Variants in RASGEF1A observed in about 807,000 individuals in gnomAD.
The protein encoded by RASGEF1A is ras-GEF domain-containing family member 1A.
Under a neutral mutation model 56.4 loss-of-function variants are expected in RASGEF1A, and 18 were observed. The ratio of observed to expected loss-of-function variants is 0.32; its 90% CI spans 0.22 to 0.47. The LOEUF (loss-of-function observed/expected upper bound fraction) is 0.47. RASGEF1A is among the 20% of genes least tolerant of loss of function. The pLI is 1.00. For synonymous variants in RASGEF1A, 245 were observed against 242.6 expected, an observed-to-expected ratio of 1.01 and a Z score of -0.09; for missense variants, 422 against 627.1, an observed-to-expected ratio of 0.67 and a Z score of 3.49.
chr10:43,247,719 T>A (rs549163222), intron 1 of RASGEF1A, among the ~76,000 whole-genome samples: 2 of 152,218 alleles, frequency 1.3e-5, no homozygotes, highest in Admixed American at 1.3e-4. Context: ...AATAGATTAG[T>A]GGTTACCAGA....
chr10:43,202,693 C>G (rs1407170828), intron 3 of RASGEF1A: 1 of 467,606 alleles, frequency 2.1e-6, no homozygotes, highest in Middle Eastern at 3.7e-4. Flanking sequence ...TCTTCGCCCA[C>G]GCCGCACAGC....
chr10:43,253,823 G>T (rs889957632), intron 1 of RASGEF1A, among the ~76,000 whole-genome samples: 3 of 152,250 alleles, frequency 2.0e-5, no homozygotes, highest in African/African-American at 4.8e-5. Flanking sequence ...TACTGGCCGA[G>T]ATAAGAAGCA....
At chr10:43,215,532 G>A (rs1840124713) in intron 1 of RASGEF1A, among the ~76,000 whole-genome samples, 1 of 152,212 alleles carries the variant, frequency 6.6e-6, no homozygotes, top group Admixed American at 6.5e-5. Context: ...TGCTGGGCTG[G>A]ATGCATGCCA....
intron 1 of RASGEF1A, among the ~76,000 whole-genome samples, chr10:43,241,503 T>C (rs897325459): frequency 4.6e-5 from 7 of 152,186 alleles, no homozygotes; most frequent in Non-Finnish European, 7.3e-5. Context: ...CATAGTTATT[T>C]GTTAAGATAT....
Position 43,205,957 on chromosome 10 carries a change from T to C in RASGEF1A, c.160A>G (p.Met54Val). 1 of 1,613,338 alleles carries C rather than the reference T, an allele frequency of 6.2e-7. No individual in the cohort carries two copies. Among genetic ancestry groups the C allele is most frequent in the South Asian group, 1.1e-5 (1 of 91,082 alleles). ...TCCACCGTGGGAACAAGGTGCTCCA[T>C]CAGGGCCTCCAGGGACCCAGAGATG... Reference protein sequence around the residue: ...HLISGSLEALMEHLVPTVDYY... With the variant: ...HLISGSLEALVEHLVPTVDYY... Residue 54 changes from methionine to valine, a missense_variant, in exon 2 of 13, where the codon ATG (methionine) becomes GTG (valine). Met to Val is a conservative substitution (Grantham distance 21). Around this residue, in one of 2 missense-constraint regions of RASGEF1A, gnomAD observed 273 missense variants for 339.9 expected, o/e 0.80. Coordinates refer to ENST00000395810, the MANE Select transcript of RASGEF1A (RefSeq NM_145313.4).
At chr10:43,204,701 G>A (rs1839967593) in intron 2 of RASGEF1A, among the ~76,000 whole-genome samples, 1 of 152,358 alleles carries the variant, frequency 6.6e-6, no homozygotes, top group African/African-American at 2.4e-5. Context: ...GCTCGGCAGA[G>A]GAGCCAATGC....
chr10:43,198,895 G>A (rs781326963), intron 9 of RASGEF1A, 38 bp downstream of exon 9: 4 of 1,581,840 alleles, frequency 2.5e-6, no homozygotes, highest in South Asian at 2.2e-5. Context: ...GGACGAAATG[G>A]GTGCAGCTCG....
At chr10:43,257,495 T>A (rs1480587986) in intron 1 of RASGEF1A, among the ~76,000 whole-genome samples, 1 of 152,174 alleles carries the variant, frequency 6.6e-6, no homozygotes, top group African/African-American at 2.4e-5. Context: ...GGGCCTCTCC[T>A]CCACACCTCA....
In RASGEF1A at chr10:43,258,874, G is replaced by A. The variant is rs116683797; in HGVS notation, c.-7+7971C>T. 6.3e-3 allele frequency among the ~76,000 whole-genome samples: 964 copies of A among 152,332 alleles called. 10 individuals carry two copies. Among genetic ancestry groups the A allele is most frequent in the African/African-American group, 0.022 (900 of 41,582 alleles). ...CATGGGCCTCCTGACCACCAGGCCCGGGAAGGACAGCTGGGGGCCAGAGTG... is the reference window on the plus strand; with the variant it reads ...CATGGGCCTCCTGACCACCAGGCCCAGGAAGGACAGCTGGGGGCCAGAGTG... On this transcript the variant is annotated intron_variant, in intron 1 of 12. Coordinates refer to ENST00000395810, the MANE Select transcript of RASGEF1A (RefSeq NM_145313.4).
At chr10:43,224,637 G>C (rs939229126) in intron 1 of RASGEF1A, among the ~76,000 whole-genome samples, 3 of 152,172 alleles carry the variant, frequency 2.0e-5, no homozygotes, top group Admixed American at 1.3e-4. Context: ...TTGGAAATAT[G>C]GGCCAGTTTC....
intron 1 of RASGEF1A, among the ~76,000 whole-genome samples, chr10:43,260,029 T>C (rs1249787459): frequency 6.6e-6 from 1 of 152,186 alleles, no homozygotes; most frequent in East Asian, 1.9e-4. Context: ...CCTCTGCCTC[T>C]GCCCCTCTCT....
intron 1 of RASGEF1A, among the ~76,000 whole-genome samples, chr10:43,219,947 G>C (rs1317224073): frequency 6.6e-6 from 1 of 152,192 alleles, no homozygotes; most frequent in Non-Finnish European, 1.5e-5. Context: ...GCCAGTCATG[G>C]GGGTAGGGGA....
At chr10:43,222,088 C>T (rs1263129881) in intron 1 of RASGEF1A, among the ~76,000 whole-genome samples, 2 of 152,214 alleles carry the variant, frequency 1.3e-5, no homozygotes, top group Admixed American at 6.5e-5. Flanking sequence ...CTCCGTGGTA[C>T]AGCCTATTGC....
intron 1 of RASGEF1A, among the ~76,000 whole-genome samples, chr10:43,248,688 T>C (rs1476105029): frequency 1.3e-5 from 2 of 152,216 alleles, no homozygotes; most frequent in Non-Finnish European, 2.9e-5. Context: ...GGTTTCCCCT[T>C]TATTCAACTA....
At chr10:43,199,223 G>A (rs1384597384) in intron 7 of RASGEF1A, 29 bp from the exon 8 acceptor site, 1 of 1,548,654 alleles carries the variant, frequency 6.5e-7, no homozygotes, top group Non-Finnish European at 8.8e-7. Flanking sequence ...CCTCAGCATG[G>A]CGCTGCCGGG....
chr10:43,213,528 CTA>C, intron 1 of RASGEF1A, among the ~76,000 whole-genome samples: 1 of 152,290 alleles, frequency 6.6e-6, no homozygotes, highest in Non-Finnish European at 1.5e-5. Context: ...AGCCCCAGTG[CTA>C]TGAGAGATCC....
chr10:43,203,914 C>T (rs1229554247), intron 2 of RASGEF1A: 7 of 363,168 alleles, frequency 1.9e-5, no homozygotes, highest in African/African-American at 4.9e-5. Flanking sequence ...TCAGCAGGGG[C>T]GGGGCCCCAT....
chr10:43,199,332 C>A, intron 7 of RASGEF1A, 138 bp from the exon 8 acceptor site: 1 of 705,290 alleles, frequency 1.4e-6, no homozygotes, highest in Non-Finnish European at 2.5e-6. Flanking sequence ...AGGTCCATGG[C>A]TGCGTCTGGG....
chr10:43,246,126 T>C (rs151268066), intron 1 of RASGEF1A, among the ~76,000 whole-genome samples: 3 of 152,226 alleles, frequency 2.0e-5, no homozygotes, highest in East Asian at 1.9e-4. Flanking sequence ...ATGGTAGTAA[T>C]GAACAATCTG....
Sources: gnomAD v4.1 joint callset for allele counts (sites outside exome capture counted in the v4.1 genomes callset) on GRCh38, gnomAD v4.1.1 for gene constraint, gnomAD v4.1.1 regional missense constraint, MANE v1.5 for transcripts, NCBI Gene and HGNC (gene_info 2026-07-23, HGNC 2026-07-21) for gene names.